Variants in ALG9 observed in about 807,000 individuals in gnomAD.
ALG9 encodes alpha-1,2-mannosyltransferase ALG9.
Under a neutral mutation model 81.8 loss-of-function variants are expected in ALG9, and 55 were observed. The observed-to-expected ratio is 0.67, with a 90% confidence interval of 0.54 to 0.84. The LOEUF (loss-of-function observed/expected upper bound fraction) is 0.84. Among genes scored for constraint, ALG9 ranks in the 40% least tolerant of loss-of-function variants. The pLI, the probability that ALG9 is intolerant of heterozygous loss-of-function variation, is 0.00. For missense variants in ALG9, 629 were observed against 745.0 expected (o/e 0.84, Z 1.81); for synonymous variants, 278 against 274.3 (o/e 1.01, Z -0.13).
chr11:111,832,711 T>C (rs1954596367), intron 13 of ALG9, among the ~76,000 whole-genome samples: 1 of 152,224 alleles, frequency 6.6e-6, no homozygotes, highest in Non-Finnish European at 1.5e-5. Context: ...ACTATATTAC[T>C]GCTTAGGAAA....
intron 14 of ALG9, among the ~76,000 whole-genome samples, chr11:111,808,076 T>G (rs1190064476): frequency 6.6e-6 from 1 of 152,046 alleles, no homozygotes; most frequent in African/African-American, 2.4e-5. Context: ...CAAAAAAAAT[T>G]TTTGTTGCTG....
intron 6 of ALG9, 69 bp downstream of exon 6, chr11:111,857,533 G>A: frequency 1.3e-6 from 2 of 1,595,894 alleles, no homozygotes; most frequent in Non-Finnish European, 1.7e-6. Flanking sequence ...AGACAATATG[G>A]AGCTAATCCA....
chr11:111,772,757 G>T, the ALG9 span, among the ~76,000 whole-genome samples: 1 of 152,294 alleles, frequency 6.6e-6, no homozygotes, highest in Middle Eastern at 3.4e-3. Context: ...GCAATCAATT[G>T]AACTTTGGCA....
chr11:111,864,440 A>C, intron 4 of ALG9: 1 of 760,616 alleles, frequency 1.3e-6, no homozygotes, highest in Non-Finnish European at 2.5e-6. Flanking sequence ...CAGACCCCAG[A>C]AAATCTGTTC....
chr11:111,838,483 T>G, intron 10 of ALG9, 84 bp from the exon 11 acceptor site: 2 of 1,268,244 alleles, frequency 1.6e-6, no homozygotes, highest in East Asian at 5.1e-5. Context: ...AAAAAGAGGT[T>G]CTATTAGGGA....
At chr11:111,862,168 T>C (rs1462888077) in intron 4 of ALG9, among the ~76,000 whole-genome samples, 2 of 152,110 alleles carry the variant, frequency 1.3e-5, no homozygotes, top group Non-Finnish European at 2.9e-5. Flanking sequence ...CCGCATTCTA[T>C]CATCTCCTTC....
chr11:111,791,846 C>G (rs1478869621), intron 14 of ALG9, among the ~76,000 whole-genome samples: 1 of 152,236 alleles, frequency 6.6e-6, no homozygotes, highest in Non-Finnish European at 1.5e-5. Context: ...AATCCCAGCA[C>G]TTTGGGAGGC....
rs45475694 is a variant in ALG9, at chr11:111,809,403, G to A, written c.1733+240C>T. 0.012 allele frequency among the ~76,000 whole-genome samples: 1,868 copies of A among 152,088 alleles called. 14 individuals carry two copies. The highest frequency in any genetic ancestry group is 0.017 in the Non-Finnish European group (1,186 of 67,998). On this transcript the variant is annotated intron_variant, in intron 14 of 14. Coordinates refer to ENST00000616540, the MANE Select transcript of ALG9 (RefSeq NM_024740.2). ...AAATTAGCCGGGCATGGTGGTGTGC[G>A]CCTGTAATCCCAGCTACTTGGGAGG...
At chr11:111,814,455 C>T (rs1030322153) in intron 13 of ALG9, 6 of 152,150 alleles carry the variant, frequency 3.9e-5, no homozygotes, top group Non-Finnish European at 8.8e-5. Context: ...TATTATTTGA[C>T]CTGGGTTACA....
At chr11:111,857,474 A>C in intron 6 of ALG9, 128 bp downstream of exon 6, 1 of 1,236,544 alleles carries the variant, frequency 8.1e-7, no homozygotes, top group South Asian at 1.3e-5. Context: ...ATATTCTTCC[A>C]TTTCCCAGAA....
chr11:111,848,709 A>G (rs1365787427), intron 8 of ALG9, among the ~76,000 whole-genome samples: 1 of 152,206 alleles, frequency 6.6e-6, no homozygotes, highest in Admixed American at 6.5e-5. Flanking sequence ...TCTACCTAAA[A>G]TCCAACCAAT....
At chr11:111,816,473 C>T (rs556768414) in intron 13 of ALG9, among the ~76,000 whole-genome samples, 1 of 152,248 alleles carries the variant, frequency 6.6e-6, no homozygotes, top group Non-Finnish European at 1.5e-5. Context: ...TGGTCTTGAA[C>T]TTACGGCCTC....
intron 14 of ALG9, among the ~76,000 whole-genome samples, chr11:111,800,641 G>GC (rs1449734837): frequency 6.6e-6 from 1 of 151,490 alleles, no homozygotes; most frequent in Non-Finnish European, 1.5e-5. Context: ...CACTCCTCTT[G>GC]CAACACCCTG....
In ALG9 at chr11:111,784,724, A is replaced by T. The variant is rs1225134992; in HGVS notation, c.*1673T>A. 1 of 152,218 alleles carries T rather than the reference A, an allele frequency of 6.6e-6. No individual in the cohort carries two copies. The highest frequency in any genetic ancestry group is 1.5e-5 in the Non-Finnish European group (1 of 68,046). The allele number at this position is 152,218 out of a possible 1,614,324, so 9.4% of individuals were successfully genotyped here. A position where few individuals can be genotyped will look rare whatever the true frequency, so the allele number is the denominator to read the frequency against. On this transcript the variant is annotated 3_prime_UTR_variant, in exon 15 of 15. Coordinates refer to ENST00000616540, the MANE Select transcript of ALG9 (RefSeq NM_024740.2). ...CAGAATGAGACTCTGTCTCAAAAAA[A>T]AAAAGAAAAATGAAAGATGGAACTT...
At chr11:111,833,586 T>C (rs554060139) in intron 13 of ALG9, among the ~76,000 whole-genome samples, 3 of 152,278 alleles carry the variant, frequency 2.0e-5, no homozygotes, top group African/African-American at 7.2e-5. Flanking sequence ...GCACTTAGCA[T>C]TGAAGCCAAA....
At position 111,871,395 on chromosome 11, in the gene ALG9, G is replaced by C. The variant is rs1281482955; in HGVS notation, c.88C>G (p.Leu30Val). Residue 30 changes from leucine to valine, a missense_variant, in exon 1 of 15, where the codon CTG becomes GTG. Physicochemically the swap from Leu to Val is conservative, Grantham distance 32 (BLOSUM62 1). This residue lies in a region of ALG9 where 344 missense variants were observed against 390.5 expected (regional missense o/e 0.88). Transcript: ENST00000616540. ...CCGCCCGCCTCTCGGCTGCCCAGCA[G>C]CTCCCGCAGCTTGTCCGCAGCCGGG... ...TAPAADKLRE[L>V]LGSREAGGAE... is the part of the protein sequence containing the mutation. 3.3e-6 allele frequency: 5 copies of C among 1,534,688 alleles called. No individual in the cohort carries two copies. The East Asian group carries it at 1.2e-4, about 38-fold the overall frequency.
At chr11:111,829,857 T>C (rs1255752623) in intron 13 of ALG9, among the ~76,000 whole-genome samples, 1 of 152,142 alleles carries the variant, frequency 6.6e-6, no homozygotes, top group Non-Finnish European at 1.5e-5. Flanking sequence ...ACAGTACTCA[T>C]CTCTTCCAGG....
Position 111,844,739 on chromosome 11 carries a change from AG to A in ALG9, c.896-17del. ...GGTTCTGTACCTGAGGGAGACATAA[AG>A]GTAAGAAATCATTAGTGGATGCCTT... On this transcript the variant is annotated splice_polypyrimidine_tract_variant and intron_variant, in intron 8 of 14. Transcript: ENST00000616540. The A allele has an allele frequency of 3.7e-6, 6 of 1,612,972 alleles. No homozygotes were observed. Among genetic ancestry groups the A allele is most frequent in the Non-Finnish European group, 5.1e-6 (6 of 1,179,166 alleles).
intron 12 of ALG9, 141 bp downstream of exon 12, chr11:111,837,327 C>T (rs1955473538): frequency 2.1e-6 from 2 of 945,170 alleles, no homozygotes; most frequent in Non-Finnish European, 3.2e-6. Context: ...AGTACACAGG[C>T]CCCACAGCTC....
Sources: gnomAD v4.1 joint callset for allele counts (sites outside exome capture counted in the v4.1 genomes callset) on GRCh38, gnomAD v4.1.1 for gene constraint, gnomAD v4.1.1 regional missense constraint, MANE v1.5 for transcripts, NCBI Gene and HGNC (gene_info 2026-07-23, HGNC 2026-07-21) for gene names.